Variants in PARP8 observed in about 807,000 individuals in gnomAD.
The protein encoded by PARP8 is protein mono-ADP-ribosyltransferase PARP8.
PARP8 carries 51 observed loss-of-function variants against 124.1 expected under a neutral mutation model. The ratio of observed to expected loss-of-function variants is 0.41; its 90% confidence interval spans 0.33 to 0.52. The LOEUF is 0.52. Ranked by LOEUF, PARP8 falls within the 20% of genes least tolerant of loss-of-function variation. The pLI, the probability that PARP8 is intolerant of heterozygous loss-of-function variation, is 0.21. For missense variants in PARP8, 860 were observed against 1,018.9 expected, an observed-to-expected ratio of 0.84 and a Z score of 2.12; for synonymous variants, 391 against 361.5, an observed-to-expected ratio of 1.08 and a Z score of -0.93.
chr5:50,721,376 G>A (rs1177365224), intron 2 of PARP8, among the ~76,000 whole-genome samples: 1 of 152,014 alleles, frequency 6.6e-6, no homozygotes, highest in African/African-American at 2.4e-5. Context: ...TGATTTATTG[G>A]CATATAAAAA....
At position 50,742,049 on chromosome 5, in the gene PARP8, A is replaced by T. The variant is rs1363294993; in HGVS notation, c.147-8102A>T. 1.5e-5 allele frequency: 4 copies of T among 264,396 alleles called. No homozygotes were observed. In the East Asian group the frequency reaches 5.3e-4, roughly 35 times the overall value. The allele number at this position is 264,396 out of a possible 1,614,324, so 16.4% of individuals were successfully genotyped here. A position where few individuals can be genotyped will look rare whatever the true frequency, so the allele number is the denominator to read the frequency against. Reference sequence around the variant, plus strand: ...GGTCTCGAACTCTTGAACTCAGGTGATCCGCCCGCTTTGGCCTCCCAAAGT... The same window carrying T: ...GGTCTCGAACTCTTGAACTCAGGTGTTCCGCCCGCTTTGGCCTCCCAAAGT... On this transcript the variant is annotated intron_variant, in intron 2 of 25. Coordinates refer to ENST00000281631, the MANE Select transcript of PARP8 (RefSeq NM_024615.4).
intron 2 of PARP8, among the ~76,000 whole-genome samples, chr5:50,676,599 C>T (rs1448822022): frequency 3.3e-5 from 5 of 152,190 alleles, no homozygotes; most frequent in Non-Finnish European, 2.9e-5. Flanking sequence ...CTCTTAAATT[C>T]GGTCACTTTG....
intron 2 of PARP8, among the ~76,000 whole-genome samples, chr5:50,680,291 TA>T (rs1751142070): frequency 6.6e-6 from 1 of 152,140 alleles, no homozygotes; most frequent in African/African-American, 2.4e-5. Flanking sequence ...TATTTTATTT[TA>T]TTTTTTTCCA....
At chr5:50,821,732 A>G (rs1268539526) in intron 16 of PARP8, among the ~76,000 whole-genome samples, 1 of 152,252 alleles carries the variant, frequency 6.6e-6, no homozygotes, top group Non-Finnish European at 1.5e-5. Flanking sequence ...CAAAACTTTC[A>G]AATTGCATAA....
chr5:50,773,887 G>A (rs2149600289), intron 7 of PARP8, among the ~76,000 whole-genome samples: 3 of 150,630 alleles, frequency 2.0e-5, no homozygotes, highest in African/African-American at 7.4e-5. Context: ...TTCTTGGAGA[G>A]GGGGATGTGG....
intron 2 of PARP8, among the ~76,000 whole-genome samples, chr5:50,704,354 G>A (rs1273831924): frequency 6.6e-6 from 1 of 152,142 alleles, no homozygotes; most frequent in Non-Finnish European, 1.5e-5. Context: ...ATCAGAAAAT[G>A]TTGTTGATTT....
intron 2 of PARP8, among the ~76,000 whole-genome samples, chr5:50,696,863 A>T (rs1002741642): frequency 2.0e-5 from 3 of 152,054 alleles, no homozygotes; most frequent in Admixed American, 6.6e-5. Context: ...GCCCCTCAGG[A>T]CTTAACCTTC....
intron 2 of PARP8, 120 bp from the exon 3 acceptor site, chr5:50,750,031 C>G: frequency 2.6e-6 from 2 of 760,788 alleles, no homozygotes; most frequent in Non-Finnish European, 4.4e-6. Flanking sequence ...TGGAAGTTTC[C>G]TGTTTATACT....
At chr5:50,756,192 G>T (rs191622201) in intron 3 of PARP8, among the ~76,000 whole-genome samples, 4 of 151,936 alleles carry the variant, frequency 2.6e-5, no homozygotes, top group African/African-American at 9.7e-5. Context: ...CTGCTTGATT[G>T]CCCTGGCCAG....
chr5:50,737,112 T>C (rs1757547684), intron 2 of PARP8, among the ~76,000 whole-genome samples: 1 of 152,262 alleles, frequency 6.6e-6, no homozygotes, highest in African/African-American at 2.4e-5. Flanking sequence ...CAAAATTTAC[T>C]AAGATTCCCA....
rs578079739 is a variant in PARP8 at position 50,797,277 on chromosome 5, G to C, written c.1575+44G>C. 45 of 1,297,148 alleles carry C rather than the reference G, an allele frequency of 3.5e-5. 2 individuals are homozygous for C. In the South Asian group the frequency reaches 6.2e-4, roughly 18 times the overall value. The allele number at this position is 1,297,148 out of a possible 1,614,324, so 80.4% of individuals were successfully genotyped here. On this transcript the variant is annotated intron_variant, in intron 14 of 25. Coordinates refer to ENST00000281631, the MANE Select transcript of PARP8 (RefSeq NM_024615.4). ...AATGTCCGTGTTGGTTTAGAATATA[G>C]AAATATAGAAAAGATTTGAAATATA...
At chr5:50,682,661 T>C (rs547978598) in intron 2 of PARP8, among the ~76,000 whole-genome samples, 121 of 152,316 alleles carry the variant, frequency 7.9e-4, no homozygotes, top group African/African-American at 2.9e-3. Context: ...CTAGGGGCCT[T>C]ACACTATTTT....
At chr5:50,795,981 T>G (rs1435396552) in intron 12 of PARP8, among the ~76,000 whole-genome samples, 3 of 152,224 alleles carry the variant, frequency 2.0e-5, no homozygotes, top group Non-Finnish European at 2.9e-5. Flanking sequence ...TAGCCGTTTT[T>G]GGGGGACATG....
At chr5:50,782,920 G>A (rs1009172846) in intron 9 of PARP8, among the ~76,000 whole-genome samples, 25 of 152,274 alleles carry the variant, frequency 1.6e-4, no homozygotes, top group African/African-American at 4.6e-4. Context: ...GAAGATGACC[G>A]CAAGAGATCA....
chr5:50,794,637 A>G (rs1742322969), intron 11 of PARP8, among the ~76,000 whole-genome samples: 1 of 152,206 alleles, frequency 6.6e-6, no homozygotes, highest in Non-Finnish European at 1.5e-5. Flanking sequence ...GGGAAAAAAA[A>G]TCTTAGAACC....
At position 50,667,672 on chromosome 5, in the gene PARP8, TCTAGTCCCCTCCGA is replaced by T. The variant is rs1749489366; in HGVS notation, c.92-396_92-383del. 1.3e-5 allele frequency: 9 copies of T among 699,912 alleles called. No individual in the cohort carries two copies. In the East Asian group the frequency reaches 2.1e-4, roughly 17 times the overall value. 43.4% of individuals were successfully genotyped at this position (699,912 alleles called of 1,614,324 possible). On this transcript the variant is annotated intron_variant, in intron 1 of 25. Transcript: ENST00000281631. ...CCCATCTCCGGCCCCTTCGGCTCCC[TCTAGTCCCCTCCGA>T]CTGGCAAAGAGAAGGGATTCCTCGG...
In PARP8 at chr5:50,843,783, A is replaced by T. The variant is rs1004994068; in HGVS notation, c.*1715A>T. 1 of 151,796 alleles carries T rather than the reference A, an allele frequency of 6.6e-6. No individual in the cohort carries two copies. The highest frequency in any genetic ancestry group is 1.5e-5 in the Non-Finnish European group (1 of 67,796). The allele number at this position is 151,796 out of a possible 1,614,324, so 9.4% of individuals were successfully genotyped here. A position where few individuals can be genotyped will look rare whatever the true frequency, so the allele number is the denominator to read the frequency against. Reference sequence around the variant, plus strand: ...GCTACTTTTTTGCCAAGATGCTGCAAGTCTCCCAAATCACTTCAACTGTGT... The same window carrying T: ...GCTACTTTTTTGCCAAGATGCTGCATGTCTCCCAAATCACTTCAACTGTGT... On this transcript the variant is annotated 3_prime_UTR_variant, in exon 26 of 26. Transcript: ENST00000281631.
rs994628602 is a variant in PARP8, at chr5:50,794,194, T to G, written c.738-13T>G. ...TTGGAATGGTGATAACAGAATTACC[T>G]TTGGATTGACAGAATCATGCAGACA... On this transcript the variant is annotated splice_polypyrimidine_tract_variant and intron_variant, in intron 10 of 25. Coordinates refer to ENST00000281631, the MANE Select transcript of PARP8 (RefSeq NM_024615.4). The G allele has an allele frequency of 3.3e-5, 53 of 1,607,678 alleles. No homozygotes were observed. The highest frequency in any genetic ancestry group is 4.2e-5 in the Non-Finnish European group (49 of 1,176,480).
intron 2 of PARP8, chr5:50,744,835 A>C: frequency 1.5e-6 from 1 of 684,962 alleles, no homozygotes. Flanking sequence ...TCTCATGTCC[A>C]CCTTCTTTCA....
Sources: allele counts gnomAD v4.1 joint callset (sites outside exome capture counted in the v4.1 genomes callset), GRCh38; gene constraint gnomAD v4.1.1; transcripts MANE v1.5; gene names NCBI Gene and HGNC (gene_info 2026-07-23, HGNC 2026-07-21).